FAF1: variants seen among roughly 807,000 people sequenced by gnomAD.
FAF1 encodes the protein Fas associated factor 1, also known as FAS-associated factor 1.
FAF1 carries 25 observed loss-of-function variants against 92.5 expected under a neutral mutation model. The ratio of observed to expected loss-of-function variants is 0.27; its 90% CI spans 0.20 to 0.38. FAF1 has a LOEUF of 0.38. Ranked by LOEUF, FAF1 falls within the 10% of genes least tolerant of loss-of-function variation. The pLI, the probability that FAF1 is intolerant of heterozygous loss-of-function variation, is 1.00. For synonymous variants in FAF1, 234 were observed against 273.2 expected, an observed-to-expected ratio of 0.86 and a Z score of 1.42; for missense variants, 636 against 793.3, an observed-to-expected ratio of 0.80 and a Z score of 2.38.
At chr1:50,853,098 T>C (rs1355045560) in intron 2 of FAF1, among the ~76,000 whole-genome samples, 1 of 152,136 alleles carries the variant, frequency 6.6e-6, no homozygotes, top group Non-Finnish European at 1.5e-5. Context: ...CTCATTATTA[T>C]CAATGGTTAG....
intron 5 of FAF1, among the ~76,000 whole-genome samples, chr1:50,741,984 G>A (rs1231018638): frequency 6.6e-6 from 1 of 152,136 alleles, no homozygotes; most frequent in Non-Finnish European, 1.5e-5. Context: ...CATGGGAATA[G>A]CAGAAATCAC....
intron 1 of FAF1, among the ~76,000 whole-genome samples, chr1:50,908,043 A>C (rs1371608161): frequency 6.6e-6 from 1 of 152,178 alleles, no homozygotes; most frequent in Non-Finnish European, 1.5e-5. Context: ...ACAGCTTTAA[A>C]AGTGTCCCAG....
chr1:50,776,877 C>T (rs576405545), intron 4 of FAF1, among the ~76,000 whole-genome samples: 4 of 152,016 alleles, frequency 2.6e-5, no homozygotes, highest in Non-Finnish European at 5.9e-5. Flanking sequence ...AAACAAGAAG[C>T]ATCATCAATT....
intron 8 of FAF1, among the ~76,000 whole-genome samples, chr1:50,641,692 G>C (rs1654336667): frequency 6.6e-6 from 1 of 151,942 alleles, no homozygotes. Context: ...TTTAAATTAG[G>C]CAAAGTTGAT....
Position 50,746,267 on chromosome 1 carries a change from TATATATATATATATATATATATA to T in FAF1, c.368-1515_368-1493del, listed in dbSNP as rs1319324497. Among the ~76,000 whole-genome samples the T allele has an allele frequency of 8.8e-3, 177 of 20,078 alleles. 1 individual carries two copies. Among genetic ancestry groups the T allele is most frequent in the Non-Finnish European group, 0.01 (122 of 11,724 alleles). The allele number at this position is 20,078 out of a possible 152,430, so 13.2% of individuals were successfully genotyped here. ...ACGAACATATATATATATATATATA[TATATATATATATATATATATATA>T]TATTTTTTTTTTTTTTTTTTTTTTT... is the stretch of plus-strand genomic sequence containing the variant. On this transcript the variant is annotated intron_variant, in intron 4 of 18. Transcript: ENST00000396153.
rs1650099461 is a variant in FAF1, at chr1:50,564,838, C to T, written c.1268+2239G>A. 3.3e-5 allele frequency among the ~76,000 whole-genome samples: 5 copies of T among 151,938 alleles called. No individual in the cohort carries two copies. The South Asian group carries it at 1.0e-3, about 31-fold the overall frequency. ...CAGTTTCATATGTCAAAGTCAATCC[C>T]CTTTTTGGGAATATGTCATTCTAAT... On this transcript the variant is annotated intron_variant, in intron 13 of 18. Transcript: ENST00000396153.
intron 13 of FAF1, among the ~76,000 whole-genome samples, chr1:50,548,247 C>G (rs1436412662): frequency 6.6e-6 from 1 of 152,078 alleles, no homozygotes; most frequent in African/African-American, 2.4e-5. Flanking sequence ...GGCCCCCAAA[C>G]AGTAAATGTA....
chr1:50,574,384 T>C (rs967571128), intron 12 of FAF1, among the ~76,000 whole-genome samples: 1 of 152,180 alleles, frequency 6.6e-6, no homozygotes, highest in African/African-American at 2.4e-5. Context: ...GGCAAGGAAG[T>C]AGGCAGTGTC....
intron 4 of FAF1, among the ~76,000 whole-genome samples, chr1:50,756,096 TCTC>T (rs1466240583): frequency 6.6e-6 from 1 of 152,148 alleles, no homozygotes; most frequent in African/African-American, 2.4e-5. Context: ...TGGCTTAAAT[TCTC>T]CTCAGAAAAT....
intron 13 of FAF1, among the ~76,000 whole-genome samples, chr1:50,556,500 T>C (rs1316210730): frequency 6.6e-6 from 1 of 152,064 alleles, no homozygotes; most frequent in East Asian, 1.9e-4. Flanking sequence ...AGTTCATCCA[T>C]GTAACTAAAA....
At chr1:50,916,123 T>C (rs1332913222) in intron 1 of FAF1, among the ~76,000 whole-genome samples, 1 of 152,070 alleles carries the variant, frequency 6.6e-6, no homozygotes, top group African/African-American at 2.4e-5. Flanking sequence ...GAGGAAAGCC[T>C]AGCACATGAA....
chr1:50,641,238 G>T (rs1049742688), intron 8 of FAF1, among the ~76,000 whole-genome samples: 3 of 151,736 alleles, frequency 2.0e-5, no homozygotes, highest in Non-Finnish European at 4.4e-5. Flanking sequence ...TAATCTACTT[G>T]GATTTAATTT....
At chr1:50,804,595 T>C (rs904019452) in intron 2 of FAF1, among the ~76,000 whole-genome samples, 2 of 152,094 alleles carry the variant, frequency 1.3e-5, no homozygotes, top group Admixed American at 1.3e-4. Flanking sequence ...AGTTTAACAA[T>C]AACTAAATTA....
intron 1 of FAF1, among the ~76,000 whole-genome samples, chr1:50,903,882 G>T (rs1308629134): frequency 1.3e-5 from 2 of 152,052 alleles, no homozygotes; most frequent in Non-Finnish European, 1.5e-5. Flanking sequence ...AGGATACTTG[G>T]CTTCCAAGTC....
intron 2 of FAF1, among the ~76,000 whole-genome samples, chr1:50,806,808 A>C (rs1662223621): frequency 6.6e-6 from 1 of 152,248 alleles, no homozygotes; most frequent in East Asian, 1.9e-4. Flanking sequence ...AAGTGACTTC[A>C]CTGAACTCAC....
In FAF1 at chr1:50,471,611, T is replaced by C. The variant is rs1305900430; in HGVS notation, c.1869+3853A>G. ...CAGTTTATTCCTGAATGCATGTCTG[T>C]CTGTTTGGGGATTCATATCTATAGA... On this transcript the variant is annotated intron_variant, in intron 18 of 18. Transcript: ENST00000396153. Among the ~76,000 whole-genome samples the C allele has an allele frequency of 2.6e-5, 4 of 152,346 alleles. No individual in the cohort carries two copies. The East Asian group carries it at 7.7e-4, about 29-fold the overall frequency.
intron 8 of FAF1, among the ~76,000 whole-genome samples, chr1:50,608,950 C>T (rs1652562926): frequency 6.6e-6 from 1 of 151,886 alleles, no homozygotes; most frequent in Admixed American, 6.5e-5. Context: ...GTATGTGTAT[C>T]TGAATCTGTC....
At chr1:50,787,951 T>C (rs1227100708) in intron 4 of FAF1, 49 bp downstream of exon 4, 2 of 1,496,590 alleles carry the variant, frequency 1.3e-6, no homozygotes, top group Admixed American at 1.7e-5. Flanking sequence ...AACCTGAATG[T>C]TTACCTAATT....
intron 13 of FAF1, among the ~76,000 whole-genome samples, chr1:50,549,391 C>CT (rs1213238405): frequency 6.6e-6 from 1 of 152,082 alleles, no homozygotes; most frequent in Non-Finnish European, 1.5e-5. Context: ...TCACGGAAGG[C>CT]TTGAACTCCT....
Sources: gnomAD v4.1 joint callset for allele counts (sites outside exome capture counted in the v4.1 genomes callset) on GRCh38, gnomAD v4.1.1 for gene constraint, MANE v1.5 for transcripts, NCBI Gene and HGNC (gene_info 2026-07-23, HGNC 2026-07-21) for gene names.